Variants in ENTPD5 observed in about 807,000 individuals in gnomAD.
The protein encoded by ENTPD5 is nucleoside diphosphate phosphatase ENTPD5.
In ENTPD5, 49 loss-of-function variants were observed where a neutral mutation model predicts 60.2. The ratio of observed to expected loss-of-function variants is 0.81; its 90% CI spans 0.65 to 1.03. ENTPD5 has a LOEUF of 1.03. ENTPD5 is among the 50% of genes least tolerant of loss of function. ENTPD5 has a pLI of 0.00. For missense variants in ENTPD5, 480 were observed against 507.6 expected (o/e 0.95, Z 0.52); for synonymous variants, 187 against 185.4 (o/e 1.01, Z -0.07).
At chr14:74,001,858 A>G (rs1029766211) in intron 3 of ENTPD5, among the ~76,000 whole-genome samples, 3 of 151,976 alleles carry the variant, frequency 2.0e-5, no homozygotes, top group African/African-American at 7.3e-5. Context: ...GTCTCAAATA[A>G]TAATAATTAA....
intron 3 of ENTPD5, among the ~76,000 whole-genome samples, chr14:73,991,747 A>G (rs2058144040): frequency 6.6e-6 from 1 of 151,872 alleles, no homozygotes; most frequent in African/African-American, 2.4e-5. Flanking sequence ...CAGTTGTGAT[A>G]ACCAAAAACG....
chr14:73,966,953 A>C lies in ENTPD5; in HGVS notation c.1262T>G (p.Leu421Trp). ...TCAATGGGAGATGCCCAGAGACTGC[A>C]ACAGGTGAAAGGTGGCCCCCAAGGC... ...GWALGATFHLLQSLGISH is the reference protein window; with the variant it reads ...GWALGATFHLWQSLGISH Residue 421 changes from leucine to tryptophan, a missense_variant, in exon 16 of 16, where the codon TTG (leucine) becomes TGG (tryptophan). Physicochemically the swap from Leu to Trp is moderately conservative, Grantham distance 61. Coordinates refer to ENST00000334696, the MANE Select transcript of ENTPD5 (RefSeq NM_001249.5). The C allele has an allele frequency of 6.2e-7, 1 of 1,614,228 alleles. No individual in the cohort carries two copies. The highest frequency in any genetic ancestry group is 8.5e-7 in the Non-Finnish European group (1 of 1,180,012).
At chr14:73,963,147 C>T, downstream of ENTPD5, 1 of 746,896 alleles carries the variant, frequency 1.3e-6, no homozygotes, top group South Asian at 1.5e-5. Flanking sequence ...GGGCCTGTGG[C>T]ACCCAAATAA....
Position 73,963,258 on chromosome 14 carries a change from A to G in ENTPD5, c.*3670T>C, listed in dbSNP as rs759501929. The G allele has an allele frequency of 8.9e-6, 5 of 562,372 alleles. No homozygotes were observed. Among genetic ancestry groups the G allele is most frequent in the Non-Finnish European group, 1.6e-5 (5 of 319,506 alleles). The allele number at this position is 562,372 out of a possible 1,614,324, so 34.8% of individuals were successfully genotyped here. A position where few individuals can be genotyped will look rare whatever the true frequency, so the allele number is the denominator to read the frequency against. On this transcript the variant is annotated 3_prime_UTR_variant, in exon 16 of 16. Transcript: ENST00000334696. ...GGTTGAAAAGAGCTTTTTATTACTAAAAAACCCACAAGGTGCTGTCTCACT... is the reference window on the plus strand; with the variant it reads ...GGTTGAAAAGAGCTTTTTATTACTAGAAAACCCACAAGGTGCTGTCTCACT...
chr14:73,994,785 C>T (rs1040317219), intron 3 of ENTPD5, among the ~76,000 whole-genome samples: 4 of 151,764 alleles, frequency 2.6e-5, no homozygotes, highest in Admixed American at 6.6e-5. Context: ...TTACAGAACC[C>T]GAGTCTGCAC....
At chr14:73,971,789 A>C (rs562377025) in intron 14 of ENTPD5, 63 bp downstream of exon 14, 1 of 1,110,024 alleles carries the variant, frequency 9.0e-7, no homozygotes, top group Non-Finnish European at 1.4e-6. Flanking sequence ...AGGTCACTTT[A>C]GGTCACTAGA....
At chr14:74,018,636 G>C (rs895985012) in intron 1 of ENTPD5, 1 of 152,246 alleles carries the variant, frequency 6.6e-6, no homozygotes, top group African/African-American at 2.4e-5. Flanking sequence ...ACCGGTATTA[G>C]CAAATGGAAA....
At chr14:73,980,707 T>C (rs565892782) in intron 6 of ENTPD5, among the ~76,000 whole-genome samples, 1 of 152,374 alleles carries the variant, frequency 6.6e-6, no homozygotes, top group East Asian at 1.9e-4. Flanking sequence ...GATTTTTTGT[T>C]ATAATGAGAT....
chr14:73,984,594 T>C (rs979627143), intron 5 of ENTPD5, among the ~76,000 whole-genome samples: 6 of 152,362 alleles, frequency 3.9e-5, no homozygotes, highest in African/African-American at 1.4e-4. Flanking sequence ...TTGATCATTA[T>C]TGTTAGCAAC....
intron 3 of ENTPD5, among the ~76,000 whole-genome samples, chr14:73,988,543 C>A (rs1373756223): frequency 6.6e-6 from 1 of 152,184 alleles, no homozygotes; most frequent in Non-Finnish European, 1.5e-5. Flanking sequence ...AATCTTCTAG[C>A]TACTTTGAAA....
At chr14:73,974,868 G>T in intron 11 of ENTPD5, 56 bp downstream of exon 11, 1 of 1,366,982 alleles carries the variant, frequency 7.3e-7, no homozygotes, top group Non-Finnish European at 1.0e-6. Flanking sequence ...GAAGAAGCAA[G>T]CGGAGTATCT....
At position 74,005,265 on chromosome 14, in the gene ENTPD5, C is replaced by CAAAAAAAA. The variant is rs71115941; in HGVS notation, c.-71+5818_-71+5825dup. ...TGGGCGATAGGGTGAGACTCAGTCT[C>CAAAAAAAA]AAAAAAAAAAAAAAAAGAAAAAAAG... On this transcript the variant is annotated intron_variant, in intron 3 of 15. Transcript: ENST00000334696. Among the ~76,000 whole-genome samples the CAAAAAAAA allele has an allele frequency of 2.5e-3, 99 of 39,520 alleles. 1 individual carries two copies. Among genetic ancestry groups the CAAAAAAAA allele is most frequent in the African/African-American group, 0.01 (91 of 8,746 alleles). The allele number at this position is 39,520 out of a possible 152,430, so 25.9% of individuals were successfully genotyped here.
chr14:73,986,789 A>G, intron 5 of ENTPD5, 25 bp downstream of exon 5: 1 of 1,560,986 alleles, frequency 6.4e-7, no homozygotes. Flanking sequence ...TTGAGAATCT[A>G]AACATCAAAT....
intron 3 of ENTPD5, among the ~76,000 whole-genome samples, chr14:74,003,975 C>G (rs2058590048): frequency 6.6e-6 from 1 of 151,428 alleles, no homozygotes; most frequent in East Asian, 1.9e-4. Context: ...CATGGCAGTG[C>G]ACACTTGCAG....
intron 3 of ENTPD5, among the ~76,000 whole-genome samples, chr14:74,006,188 T>C (rs1309277780): frequency 6.6e-6 from 1 of 151,904 alleles, no homozygotes; most frequent in African/African-American, 2.4e-5. Context: ...AAGCGGGGTT[T>C]CTCCATGTTA....
At chr14:73,995,032 T>C (rs1265967866) in intron 3 of ENTPD5, among the ~76,000 whole-genome samples, 1 of 148,856 alleles carries the variant, frequency 6.7e-6, no homozygotes, top group Non-Finnish European at 1.5e-5. Flanking sequence ...ATGTGAACTA[T>C]ACATAGCCAG....
intron 3 of ENTPD5, chr14:73,996,028 T>C (rs935898371): frequency 1.9e-5 from 9 of 469,506 alleles, no homozygotes; most frequent in African/African-American, 1.7e-4. Flanking sequence ...AACGTCACAC[T>C]CTGGCTTCCC....
intron 3 of ENTPD5, among the ~76,000 whole-genome samples, chr14:74,000,316 G>A (rs2058469159): frequency 6.6e-6 from 1 of 151,800 alleles, no homozygotes; most frequent in South Asian, 2.1e-4. Flanking sequence ...AACTAGTCAG[G>A]CATGGTGGAA....
intron 5 of ENTPD5, 53 bp from the exon 6 acceptor site, chr14:73,983,214 A>C: frequency 1.3e-6 from 2 of 1,566,056 alleles, no homozygotes; most frequent in Non-Finnish European, 1.7e-6. Flanking sequence ...AGTGGCTGGC[A>C]CTGGTCTATT....
Sources: allele counts gnomAD v4.1 joint callset (sites outside exome capture counted in the v4.1 genomes callset), GRCh38; gene constraint gnomAD v4.1.1; transcripts MANE v1.5; gene names NCBI Gene and HGNC (gene_info 2026-07-23, HGNC 2026-07-21).